The following RTL4 variants were observed in gnomAD, a reference collection of about 807,000 sequenced individuals.
The protein encoded by RTL4 is retrotransposon Gag-like protein 4.
Under a neutral mutation model 5.3 loss-of-function variants are expected in RTL4, and 4 were observed. That is an observed-to-expected ratio of 0.75 (90% confidence interval 0.37 to 1.72). The LOEUF (loss-of-function observed/expected upper bound fraction) is 1.72, where lower values mean the gene tolerates loss of function less well. Among genes scored for constraint, RTL4 ranks in the 40% most tolerant of loss-of-function variants. RTL4 has a pLI of 0.04. For synonymous variants in RTL4, 98 were observed against 87.3 expected (o/e 1.12, Z -0.68); for missense variants, 260 against 227.1 (o/e 1.14, Z -0.93).
chrX:112,275,287 A>C, the RTL4 span, among the ~76,000 whole-genome samples: 41 of 110,630 alleles, frequency 3.7e-4, 1 homozygote, highest in African/African-American at 1.2e-3. Flanking sequence ...GAACTGAATA[A>C]AGTTCTGGGC....
chrX:112,190,785 A>C, the RTL4 span, among the ~76,000 whole-genome samples: 13 of 112,005 alleles, frequency 1.2e-4, no homozygotes, highest in Non-Finnish European at 1.9e-5. Context: ...TTGTAAATGA[A>C]ATAGCTGTCT....
chrX:112,236,685 G>A, the RTL4 span, among the ~76,000 whole-genome samples: 1 of 107,304 alleles, frequency 9.3e-6, no homozygotes, highest in Non-Finnish European at 1.9e-5. Context: ...GAGACAAATT[G>A]TAGATCAGGA....
chrX:112,235,158 G>A, the RTL4 span, among the ~76,000 whole-genome samples: 1 of 111,762 alleles, frequency 8.9e-6, no homozygotes, highest in African/African-American at 3.3e-5. Flanking sequence ...AAGTGAATAG[G>A]CATTTTCATT....
At chrX:112,175,331 T>C in the RTL4 span, among the ~76,000 whole-genome samples, 81 of 100,691 alleles carry the variant, frequency 8.0e-4, no homozygotes, top group African/African-American at 2.7e-3. Context: ...ATTTATTAAA[T>C]AGGGAATCCT....
chrX:112,413,796 A>T, the RTL4 span, among the ~76,000 whole-genome samples: 2 of 110,709 alleles, frequency 1.8e-5, no homozygotes, highest in African/African-American at 6.6e-5. Context: ...CAACAGGGTG[A>T]GTATAATCAA....
the RTL4 span, among the ~76,000 whole-genome samples, chrX:112,324,181 A>C: frequency 8.9e-6 from 1 of 112,417 alleles, no homozygotes; most frequent in Non-Finnish European, 1.9e-5. Context: ...AGAATCATAC[A>C]ATATGTGGCC....
the RTL4 span, among the ~76,000 whole-genome samples, chrX:112,256,144 C>T: frequency 9.0e-6 from 1 of 111,449 alleles, no homozygotes; most frequent in African/African-American, 3.3e-5. Flanking sequence ...TTATTTTGTC[C>T]ACTAAATTCC....
the RTL4 span, among the ~76,000 whole-genome samples, chrX:112,254,768 T>C: frequency 9.0e-6 from 1 of 111,359 alleles, no homozygotes; most frequent in Non-Finnish European, 1.9e-5. Context: ...TGGTATATGT[T>C]AAAAGATAAT....
chrX:112,410,167 C>G, the RTL4 span, among the ~76,000 whole-genome samples: 2 of 111,816 alleles, frequency 1.8e-5, no homozygotes, highest in Non-Finnish European at 3.8e-5. Context: ...GTCGATTCAG[C>G]AAGAGGATAT....
chrX:112,153,445 G>A, the RTL4 span, among the ~76,000 whole-genome samples: 1 of 111,978 alleles, frequency 8.9e-6, no homozygotes, highest in Non-Finnish European at 1.9e-5. Context: ...ATAAATGAAA[G>A]TTGATTGTTG....
chrX:112,331,575 T>C, the RTL4 span, among the ~76,000 whole-genome samples: 8 of 105,805 alleles, frequency 7.6e-5, no homozygotes, highest in Non-Finnish European at 1.6e-4. Flanking sequence ...GTAAACTAGT[T>C]CAACCATTGT....
chrX:112,325,243 C>G, the RTL4 span, among the ~76,000 whole-genome samples: 2 of 111,533 alleles, frequency 1.8e-5, no homozygotes, highest in Admixed American at 1.9e-4. Flanking sequence ...TTTATAGATT[C>G]AATGCCATTC....
At chrX:112,275,486 A>G in the RTL4 span, among the ~76,000 whole-genome samples, 1 of 112,150 alleles carries the variant, frequency 8.9e-6, no homozygotes, top group Non-Finnish European at 1.9e-5. Context: ...GCAAACAAAA[A>G]GGTTCAAATG....
At chrX:112,434,715 G>A in the RTL4 span, among the ~76,000 whole-genome samples, 636 of 111,305 alleles carry the variant, frequency 5.7e-3, 3 homozygotes, top group African/African-American at 0.02. Flanking sequence ...TTACCTGCTG[G>A]ACCAGAAACC....
chrX:112,144,946 G>A, the RTL4 span, among the ~76,000 whole-genome samples: 207 of 111,475 alleles, frequency 1.9e-3, no homozygotes, highest in African/African-American at 6.4e-3. Flanking sequence ...TGATCAGGGT[G>A]ACATTGTGCA....
chrX:112,431,974 T>C, the RTL4 span, among the ~76,000 whole-genome samples: 1 of 102,013 alleles, frequency 9.8e-6, no homozygotes, highest in Non-Finnish European at 2.0e-5. Flanking sequence ...AGTGAGAATA[T>C]GCGGTGTTTG....
the RTL4 span, among the ~76,000 whole-genome samples, chrX:112,134,430 G>A: frequency 3.6e-5 from 4 of 112,054 alleles, no homozygotes; most frequent in Admixed American, 1.9e-4. Context: ...TTGCAGAAAC[G>A]GACATCTCAC....
chrX:112,370,805 A>C, the RTL4 span, among the ~76,000 whole-genome samples: 1 of 110,342 alleles, frequency 9.1e-6, no homozygotes, highest in African/African-American at 3.3e-5. Context: ...GTACACCTTC[A>C]CTCCTCTTGG....
chrX:112,380,842 G>A, the RTL4 span, among the ~76,000 whole-genome samples: 31 of 111,859 alleles, frequency 2.8e-4, no homozygotes, highest in African/African-American at 9.4e-4. Flanking sequence ...GGAAAAGGGC[G>A]CTGATCTCTG....
Sources: gnomAD v4.1 joint callset for allele counts (sites outside exome capture counted in the v4.1 genomes callset) on GRCh38, gnomAD v4.1.1 for gene constraint, MANE v1.5 for transcripts, NCBI Gene and HGNC (gene_info 2026-07-23, HGNC 2026-07-21) for gene names.